The following CCDC171 variants were observed in gnomAD, a reference collection of about 807,000 sequenced individuals.
CCDC171 encodes coiled-coil domain containing 171, also known as coiled-coil domain-containing protein 171.
CCDC171 carries 177 observed loss-of-function variants against 168.2 expected under a neutral mutation model. The observed-to-expected ratio is 1.05, with a 90% confidence interval of 0.93 to 1.19. The LOEUF is 1.19. Ranked by LOEUF, CCDC171 falls within the 50% of genes most tolerant of loss-of-function variation. CCDC171 has a pLI of 0.00. For synonymous variants in CCDC171, 687 were observed against 540.8 expected, an observed-to-expected ratio of 1.27 and a Z score of -3.75; for missense variants, 1,991 against 1,539.0, an observed-to-expected ratio of 1.29 and a Z score of -4.91.
chr9:16,097,188 A>G, the CCDC171 span, among the ~76,000 whole-genome samples: 5 of 152,294 alleles, frequency 3.3e-5, no homozygotes, highest in South Asian at 1.0e-3. Context: ...CCCAGGTGTC[A>G]AGGTAAAACC....
At chr9:15,849,027 C>T (rs150456011) in intron 23 of CCDC171, 80 bp downstream of exon 23, 13 of 693,994 alleles carry the variant, frequency 1.9e-5, no homozygotes, top group Non-Finnish European at 2.8e-5. Flanking sequence ...AAAGTACTTT[C>T]ATTGATTTTG....
At chr9:15,589,391 A>G (rs1234520862) in intron 4 of CCDC171, among the ~76,000 whole-genome samples, 1 of 152,198 alleles carries the variant, frequency 6.6e-6, no homozygotes, top group Non-Finnish European at 1.5e-5. Flanking sequence ...ACTCCTCAAA[A>G]TAGCAGCCCT....
chr9:15,939,248 T>C (rs1827450967), intron 25 of CCDC171, among the ~76,000 whole-genome samples: 1 of 151,722 alleles, frequency 6.6e-6, no homozygotes, highest in Non-Finnish European at 1.5e-5. Context: ...GGCTATGGAG[T>C]AATCACTTTT....
At chr9:15,772,558 C>T (rs2057070078) in intron 18 of CCDC171, among the ~76,000 whole-genome samples, 1 of 152,148 alleles carries the variant, frequency 6.6e-6, no homozygotes, top group South Asian at 2.1e-4. Flanking sequence ...ATTGGGGTCA[C>T]TTAAAAGGAG....
At chr9:16,083,471 G>C in the CCDC171 span, among the ~76,000 whole-genome samples, 2 of 152,112 alleles carry the variant, frequency 1.3e-5, no homozygotes, top group Non-Finnish European at 2.9e-5. Flanking sequence ...AAATTGTCAA[G>C]AATTGTTCCT....
chr9:15,567,999 A>T (rs1486303845), intron 2 of CCDC171, among the ~76,000 whole-genome samples: 1 of 139,672 alleles, frequency 7.2e-6, no homozygotes, highest in East Asian at 1.9e-4. Flanking sequence ...ATGCTGTTAT[A>T]AATGGAATTG....
In CCDC171 at chr9:15,971,833, A is replaced by G. The variant is rs1831392622; in HGVS notation, c.3978A>G (p.Leu1326=). The part of the protein sequence containing the change: ...ANANRPTQIG[L] ...CCAACAGACCAACTCAGATTGGATT[A>G]TGACTTCATGAAATTAAAAAATGGA... The change falls in exon 26 of 26, where the codon TTA becomes TTG. Residue 1326 remains leucine, a synonymous_variant. Coordinates refer to ENST00000380701, the MANE Select transcript of CCDC171 (RefSeq NM_173550.4). 1.9e-6 allele frequency: 3 copies of G among 1,608,358 alleles called. No individual in the cohort carries two copies. The highest frequency in any genetic ancestry group is 1.1e-5 in the South Asian group (1 of 90,788).
intron 25 of CCDC171, among the ~76,000 whole-genome samples, chr9:15,923,716 A>G (rs1364093214): frequency 6.6e-6 from 1 of 151,520 alleles, no homozygotes; most frequent in Non-Finnish European, 1.5e-5. Context: ...ACAATTTAAC[A>G]ATGTATATAT....
chr9:16,103,411 T>G, the CCDC171 span, among the ~76,000 whole-genome samples: 2 of 152,168 alleles, frequency 1.3e-5, no homozygotes, highest in African/African-American at 4.8e-5. Context: ...CACTGCCATC[T>G]GTAAGGGGGA....
chr9:16,057,738 C>T (rs1833864225), intron 1 of CCDC171, among the ~76,000 whole-genome samples: 1 of 152,158 alleles, frequency 6.6e-6, no homozygotes, highest in Admixed American at 6.5e-5. Context: ...AACCGTGATT[C>T]CACATCCAGC....
intron 7 of CCDC171, among the ~76,000 whole-genome samples, chr9:15,630,794 A>G (rs1399950241): frequency 6.6e-6 from 1 of 152,258 alleles, no homozygotes; most frequent in Non-Finnish European, 1.5e-5. Context: ...CAGCAAATGT[A>G]AAAGATGAGA....
chr9:16,052,295 T>C (rs1833761742), intron 1 of CCDC171, among the ~76,000 whole-genome samples: 1 of 152,136 alleles, frequency 6.6e-6, no homozygotes, highest in Admixed American at 6.5e-5. Context: ...CTCCAGCACG[T>C]CATCATGGGC....
chr9:15,621,640 C>T (rs1395326621), intron 6 of CCDC171, among the ~76,000 whole-genome samples: 1 of 151,972 alleles, frequency 6.6e-6, no homozygotes, highest in Non-Finnish European at 1.5e-5. Flanking sequence ...CAGATGCTGG[C>T]GAGGTTGTGG....
intron 4 of CCDC171, among the ~76,000 whole-genome samples, chr9:15,590,773 CTTTCTTTCTT>C (rs1315833404): frequency 1.3e-5 from 1 of 75,604 alleles, no homozygotes; most frequent in Non-Finnish European, 2.9e-5. Context: ...CTTTCTTTCT[CTTTCTTTCTT>C]TCTTTCTTTC....
chr9:16,058,686 T>G (rs1833882321), intron 1 of CCDC171, among the ~76,000 whole-genome samples: 1 of 152,230 alleles, frequency 6.6e-6, no homozygotes, highest in Non-Finnish European at 1.5e-5. Flanking sequence ...TTTGAGATAC[T>G]TCAGGTAAAG....
intron 10 of CCDC171, among the ~76,000 whole-genome samples, chr9:15,691,343 A>G (rs2050760131): frequency 1.3e-5 from 2 of 151,640 alleles, no homozygotes; most frequent in Admixed American, 6.6e-5. Context: ...TATGTATTTT[A>G]TGATCCTATT....
chr9:15,849,554 A>G (rs976471340), intron 23 of CCDC171, among the ~76,000 whole-genome samples: 2 of 151,714 alleles, frequency 1.3e-5, no homozygotes, highest in Admixed American at 6.6e-5. Context: ...TAGTAAAAAC[A>G]TAATATATTT....
intron 16 of CCDC171, among the ~76,000 whole-genome samples, chr9:15,732,100 G>T (rs1217887645): frequency 6.6e-6 from 1 of 151,910 alleles, no homozygotes; most frequent in Non-Finnish European, 1.5e-5. Context: ...CATATCCTTT[G>T]TCATGTATAT....
Position 15,721,892 on chromosome 9 carries a change from T to C in CCDC171, c.1425+17T>C. 1.4e-6 allele frequency: 2 copies of C among 1,381,914 alleles called. No individual in the cohort carries two copies. The highest frequency in any genetic ancestry group is 1.5e-5 in the South Asian group (1 of 66,418). 85.6% of individuals were successfully genotyped at this position (1,381,914 alleles called of 1,614,324 possible). A position where few individuals can be genotyped will look rare whatever the true frequency, so the allele number is the denominator to read the frequency against. On this transcript the variant is annotated intron_variant, in intron 12 of 25. Transcript: ENST00000380701. ...TCTAATGAGGTAACACTTGCACTGT[T>C]TGGCTCCACACATATAGCCTTCGGC...
Sources: allele counts gnomAD v4.1 joint callset (sites outside exome capture counted in the v4.1 genomes callset), GRCh38; gene constraint gnomAD v4.1.1; transcripts MANE v1.5; gene names NCBI Gene and HGNC (gene_info 2026-07-23, HGNC 2026-07-21).